GLB1: variants seen among roughly 807,000 people sequenced by gnomAD.
GLB1 encodes galactosidase beta 1.
A neutral mutation model predicts 74.0 loss-of-function variants in GLB1; 56 were observed. The observed-to-expected ratio is 0.76, with a 90% CI of 0.61 to 0.94. The LOEUF (loss-of-function observed/expected upper bound fraction) is 0.94. Among genes scored for constraint, GLB1 ranks in the 40% least tolerant of loss-of-function variants. The probability of loss-of-function intolerance (pLI) is 0.00; values close to 1 mark genes in which losing one functional copy is unlikely to be tolerated. For synonymous variants in GLB1, 323 were observed against 323.6 expected, an observed-to-expected ratio of 1.00 and a Z score of 0.02; for missense variants, 787 against 845.5, an observed-to-expected ratio of 0.93 and a Z score of 0.86.
At chr3:33,007,298 A>G (rs1232369987) in intron 15 of GLB1, among the ~76,000 whole-genome samples, 1 of 152,202 alleles carries the variant, frequency 6.6e-6, no homozygotes, top group Non-Finnish European at 1.5e-5. Context: ...CCATTACCAA[A>G]GTCAATTATA....
At chr3:33,091,968 C>T in intron 1 of GLB1, 1 of 984,340 alleles carries the variant, frequency 1.0e-6, no homozygotes, top group Non-Finnish European at 1.2e-6. Flanking sequence ...AAATCTCCTA[C>T]ATATCTTGTC....
chr3:33,025,935 G>C (rs938020511), intron 10 of GLB1, among the ~76,000 whole-genome samples: 3 of 152,208 alleles, frequency 2.0e-5, no homozygotes, highest in Non-Finnish European at 2.9e-5. Context: ...CTGTGGAAAG[G>C]GTGCAGCAGG....
intron 15 of GLB1, among the ~76,000 whole-genome samples, chr3:33,009,769 G>A (rs935556086): frequency 2.6e-5 from 4 of 152,278 alleles, no homozygotes; most frequent in African/African-American, 4.8e-5. Context: ...TAACAGTCAC[G>A]CTCCATTCCC....
At chr3:33,032,660 T>C (rs900781294) in intron 10 of GLB1, among the ~76,000 whole-genome samples, 2 of 152,142 alleles carry the variant, frequency 1.3e-5, no homozygotes, top group Non-Finnish European at 2.9e-5. Flanking sequence ...TGGCCTCAAG[T>C]GAACCTCCCA....
chr3:33,056,227 CAAAAAAAAAAAA>C (rs10559091), intron 6 of GLB1, among the ~76,000 whole-genome samples: 16 of 48,626 alleles, frequency 3.3e-4, no homozygotes, highest in South Asian at 3.2e-3. Context: ...AACTCCACCT[CAAAAAAAAAAAA>C]AAAAAAAAAA....
Position 33,051,976 on chromosome 3 carries a change from A to G in GLB1, c.821T>C (p.Leu274Pro), listed in dbSNP as rs1699012933. 6.2e-7 allele frequency: 1 copy of G among 1,614,232 alleles called. No individual in the cohort carries two copies. The highest frequency in any genetic ancestry group is 1.3e-5 in the African/African-American group (1 of 75,054). Residue 274 changes from leucine to proline, a missense_variant, in exon 8 of 16, where the codon CTA becomes CCA. By Grantham distance (98) the Leu-to-Pro change is moderately conservative. Transcript: ENST00000307363. ...GGAGTGAGGTTGGCCCCAGTGATCT[A>G]GCCAGCCAGTATAGAATTCAGAATT... ...LINSEFYTGWLDHWGQPHSTI... is the reference protein window; with the variant it reads ...LINSEFYTGWPDHWGQPHSTI...
At chr3:33,051,348 G>A (rs1469105456) in intron 9 of GLB1, among the ~76,000 whole-genome samples, 1 of 150,954 alleles carries the variant, frequency 6.6e-6, no homozygotes, top group African/African-American at 2.4e-5. Flanking sequence ...TGTAATCCTA[G>A]CATTTTGGGA....
chr3:33,026,401 G>A (rs1323235745), intron 10 of GLB1, among the ~76,000 whole-genome samples: 1 of 152,188 alleles, frequency 6.6e-6, no homozygotes. Flanking sequence ...GAGGCCGAGG[G>A]GGTGCTGAGG....
intron 14 of GLB1, among the ~76,000 whole-genome samples, chr3:33,016,501 T>G (rs1230812455): frequency 6.6e-6 from 1 of 152,102 alleles, no homozygotes; most frequent in Non-Finnish European, 1.5e-5. Context: ...AGACCACAGG[T>G]GCATGTCACC....
chr3:33,064,459 AC>A (rs1553611668), intron 5 of GLB1, among the ~76,000 whole-genome samples: 1 of 135,240 alleles, frequency 7.4e-6, no homozygotes, highest in East Asian at 2.2e-4. Flanking sequence ...AAAACAAAAA[AC>A]CTTTACTCTT....
chr3:33,038,557 G>T (rs1698380026), intron 10 of GLB1, among the ~76,000 whole-genome samples: 1 of 152,216 alleles, frequency 6.6e-6, no homozygotes, highest in Admixed American at 6.5e-5. Flanking sequence ...AAAATGTCAT[G>T]ATGCAAGTCT....
chr3:32,971,453 T>C, the GLB1 span, among the ~76,000 whole-genome samples: 2 of 152,212 alleles, frequency 1.3e-5, no homozygotes, highest in South Asian at 2.1e-4. Flanking sequence ...GCTGAAAACA[T>C]AGCTGGCAGC....
intron 10 of GLB1, among the ~76,000 whole-genome samples, chr3:33,041,069 A>T (rs1183922886): frequency 6.6e-6 from 1 of 152,208 alleles, no homozygotes. Context: ...CTAACAAATT[A>T]TCTAATAGAA....
intron 10 of GLB1, chr3:33,034,574 T>C: frequency 1.4e-6 from 1 of 720,842 alleles, no homozygotes. Context: ...CATCTGGACC[T>C]GTGATGATGC....
chr3:33,018,516 T>C lies in GLB1; in HGVS notation c.1279A>G (p.Ser427Gly), dbSNP rs979601059. The change falls in exon 13 of 16, where the codon AGC (serine) becomes GGC (glycine). Residue 427 changes from serine to glycine, a missense_variant. Coordinates refer to ENST00000307363, the MANE Select transcript of GLB1 (RefSeq NM_000404.4). ...GGTGAAGAGAGAGGTGCTGGGTTGC[T>C]GCAATCTTGAGGAAGTGTTGTCCGG... is the stretch of plus-strand genomic sequence containing the variant. ...LYRTTLPQDC[S>G]NPAPLSSPLN... 6 of 1,613,906 alleles carry C rather than the reference T, an allele frequency of 3.7e-6. No homozygotes were observed. Among genetic ancestry groups the C allele is most frequent in the Non-Finnish European group, 2.5e-6 (3 of 1,180,008 alleles).
At chr3:33,069,430 A>G (rs1309514877) in intron 2 of GLB1, among the ~76,000 whole-genome samples, 1 of 152,232 alleles carries the variant, frequency 6.6e-6, no homozygotes, top group East Asian at 1.9e-4. Context: ...GAATTTGGAT[A>G]TAAGGCAAAA....
chr3:32,977,955 T>C, the GLB1 span, among the ~76,000 whole-genome samples: 3 of 152,204 alleles, frequency 2.0e-5, no homozygotes, highest in Non-Finnish European at 4.4e-5. Flanking sequence ...TCCATGGATA[T>C]TTACACGCCC....
chr3:33,010,889 C>T (rs908609629), intron 15 of GLB1, among the ~76,000 whole-genome samples: 3 of 152,162 alleles, frequency 2.0e-5, no homozygotes, highest in African/African-American at 4.8e-5. Context: ...CACAGTCTTG[C>T]TTTGTCACCC....
intron 10 of GLB1, among the ~76,000 whole-genome samples, chr3:33,041,875 A>T (rs1698516738): frequency 6.6e-6 from 1 of 152,048 alleles, no homozygotes; most frequent in Non-Finnish European, 1.5e-5. Context: ...GCATTCATAT[A>T]TCCACTGCCT....
Sources: allele counts gnomAD v4.1 joint callset (sites outside exome capture counted in the v4.1 genomes callset), GRCh38; gene constraint gnomAD v4.1.1; transcripts MANE v1.5; gene names NCBI Gene and HGNC (gene_info 2026-07-23, HGNC 2026-07-21).